Variants in TMEM117 observed in about 807,000 individuals in gnomAD.
TMEM117 encodes transmembrane protein 117.
Under a neutral mutation model 52.4 loss-of-function variants are expected in TMEM117, and 27 were observed. That is an observed-to-expected ratio of 0.51 (90% CI 0.38 to 0.71). The LOEUF (loss-of-function observed/expected upper bound fraction) is 0.71, where lower values mean the gene tolerates loss of function less well. Among genes scored for constraint, TMEM117 ranks in the 30% least tolerant of loss-of-function variants. TMEM117 has a pLI of 0.00. For synonymous variants in TMEM117, 215 were observed against 206.3 expected (o/e 1.04, Z -0.36); for missense variants, 556 against 630.5 (o/e 0.88, Z 1.26).
At chr12:44,323,418 TTTA>T (rs1400966298) in intron 6 of TMEM117, among the ~76,000 whole-genome samples, 5 of 151,478 alleles carry the variant, frequency 3.3e-5, no homozygotes, top group Non-Finnish European at 5.9e-5. Flanking sequence ...TTGCTCTTTT[TTTA>T]TTATTATTAG....
intron 5 of TMEM117, among the ~76,000 whole-genome samples, chr12:44,282,952 G>T (rs1454971881): frequency 6.6e-6 from 1 of 152,240 alleles, no homozygotes; most frequent in Admixed American, 6.5e-5. Flanking sequence ...AGCCACTCCA[G>T]CCATGGCTGA....
intron 6 of TMEM117, among the ~76,000 whole-genome samples, chr12:44,326,435 C>T (rs969146235): frequency 6.6e-6 from 1 of 152,080 alleles, no homozygotes. Context: ...CATCCAGGAT[C>T]TTGAGAGACC....
chr12:44,011,833 T>C lies in TMEM117; in HGVS notation c.410+67491T>C, dbSNP rs536147076. Among the ~76,000 whole-genome samples, 3 of 152,300 alleles carry C rather than the reference T, an allele frequency of 2.0e-5. No individual in the cohort carries two copies. The East Asian group carries it at 5.8e-4, about 29-fold the overall frequency. On this transcript the variant is annotated intron_variant, in intron 3 of 7. Coordinates refer to ENST00000266534, the MANE Select transcript of TMEM117 (RefSeq NM_032256.3). ...GGTGTTATACCAAACTTCGTTTTGT[T>C]GTCTGTTCTCTGATAAGTGAGAAGA...
intron 3 of TMEM117, among the ~76,000 whole-genome samples, chr12:44,003,869 A>T (rs894861616): frequency 6.6e-6 from 1 of 152,192 alleles, no homozygotes; most frequent in Admixed American, 6.5e-5. Flanking sequence ...TGACATGAGT[A>T]GTCAGGATGC....
At chr12:44,026,859 C>G (rs1181059696) in intron 3 of TMEM117, among the ~76,000 whole-genome samples, 1 of 151,726 alleles carries the variant, frequency 6.6e-6, no homozygotes, top group East Asian at 1.9e-4. Context: ...TTTCTAAGAA[C>G]AAGAACATTC....
chr12:43,923,767 T>C (rs1159422539), intron 2 of TMEM117, among the ~76,000 whole-genome samples: 2 of 152,276 alleles, frequency 1.3e-5, no homozygotes, highest in Non-Finnish European at 2.9e-5. Flanking sequence ...TGTAAAACCA[T>C]TGAGTACAGA....
intron 4 of TMEM117, among the ~76,000 whole-genome samples, chr12:44,167,588 A>C (rs1316369530): frequency 6.6e-6 from 1 of 151,538 alleles, no homozygotes; most frequent in Non-Finnish European, 1.5e-5. Flanking sequence ...CATCGCTTGA[A>C]CCCGGGAGGC....
At chr12:43,903,778 A>G (rs1201791576) in intron 2 of TMEM117, among the ~76,000 whole-genome samples, 6 of 152,172 alleles carry the variant, frequency 3.9e-5, no homozygotes, top group Admixed American at 3.9e-4. Context: ...TGGGCCATTT[A>G]TATGCCTACC....
intron 3 of TMEM117, among the ~76,000 whole-genome samples, chr12:44,072,458 TG>T (rs1565816129): frequency 6.6e-6 from 1 of 152,136 alleles, no homozygotes; most frequent in Non-Finnish European, 1.5e-5. Context: ...ATTAGGTCCC[TG>T]GGTTCTGAGT....
intron 4 of TMEM117, among the ~76,000 whole-genome samples, chr12:44,197,772 G>T (rs1408691038): frequency 2.0e-5 from 3 of 152,074 alleles, no homozygotes; most frequent in Non-Finnish European, 2.9e-5. Context: ...TCTGAGACAT[G>T]CCCAATTTCC....
chr12:43,808,141 G>T, the TMEM117 span, among the ~76,000 whole-genome samples: 1 of 152,176 alleles, frequency 6.6e-6, no homozygotes, highest in African/African-American at 2.4e-5. Context: ...AGATAAGAGG[G>T]TTTATTATAA....
chr12:44,037,367 C>T (rs957659792), intron 3 of TMEM117, among the ~76,000 whole-genome samples: 1 of 152,180 alleles, frequency 6.6e-6, no homozygotes, highest in Non-Finnish European at 1.5e-5. Context: ...CTGATGCTCA[C>T]TCCCATTTCA....
intron 3 of TMEM117, among the ~76,000 whole-genome samples, chr12:44,052,295 A>C (rs1946986470): frequency 6.6e-6 from 1 of 152,170 alleles, no homozygotes; most frequent in South Asian, 2.1e-4. Context: ...TCTTTTAGGT[A>C]TAAATACATT....
rs370886581 is a variant in TMEM117 at position 43,856,789 on chromosome 12, T to C, written c.277+11861T>C. 8.5e-5 allele frequency among the ~76,000 whole-genome samples: 13 copies of C among 152,136 alleles called. 1 individual carries two copies. The highest frequency in any genetic ancestry group is 7.2e-4 in the Admixed American group (11 of 15,264). ...ATTTCTATTTTTTTCAGTTTTTATA[T>C]ATCACAAATCTATGAACACTCATGA... is the stretch of plus-strand genomic sequence containing the variant. On this transcript the variant is annotated intron_variant, in intron 2 of 7. Coordinates refer to ENST00000266534, the MANE Select transcript of TMEM117 (RefSeq NM_032256.3).
At chr12:44,396,491 C>T in the TMEM117 span, among the ~76,000 whole-genome samples, 1 of 151,820 alleles carries the variant, frequency 6.6e-6, no homozygotes, top group Non-Finnish European at 1.5e-5. Flanking sequence ...AATTAATTAG[C>T]TTTATAGTTT....
At chr12:43,813,127 A>T in the TMEM117 span, among the ~76,000 whole-genome samples, 1 of 146,390 alleles carries the variant, frequency 6.8e-6, no homozygotes, top group African/African-American at 2.6e-5. Flanking sequence ...TGACTCACTG[A>T]CTCCATGGGT....
intron 4 of TMEM117, among the ~76,000 whole-genome samples, chr12:44,169,945 C>T (rs994842809): frequency 6.6e-6 from 1 of 152,080 alleles, no homozygotes; most frequent in Non-Finnish European, 1.5e-5. Flanking sequence ...CATTACTGGG[C>T]ATATACCCAA....
chr12:44,317,948 C>T (rs1209850589), intron 6 of TMEM117, among the ~76,000 whole-genome samples: 1 of 152,192 alleles, frequency 6.6e-6, no homozygotes, highest in African/African-American at 2.4e-5. Context: ...GTACTAGCAC[C>T]AGCACCTAAT....
At chr12:44,331,624 G>C (rs942121309) in intron 6 of TMEM117, among the ~76,000 whole-genome samples, 1 of 151,976 alleles carries the variant, frequency 6.6e-6, no homozygotes, top group Admixed American at 6.6e-5. Context: ...TAGATAGCAG[G>C]GTGATTGTTC....
Sources: allele counts gnomAD v4.1 joint callset (sites outside exome capture counted in the v4.1 genomes callset), GRCh38; gene constraint gnomAD v4.1.1; transcripts MANE v1.5; gene names NCBI Gene and HGNC (gene_info 2026-07-23, HGNC 2026-07-21).